Variants in RBFOX1 observed in about 807,000 individuals in gnomAD.
RBFOX1 encodes the protein RNA binding fox-1 homolog 1.
RBFOX1 carries 8 observed loss-of-function variants against 57.7 expected under a neutral mutation model. The ratio of observed to expected loss-of-function variants is 0.14; its 90% confidence interval spans 0.08 to 0.25. RBFOX1 has a LOEUF of 0.25. RBFOX1 is among the 10% of genes least tolerant of loss of function. The probability of loss-of-function intolerance (pLI) is 1.00; values close to 1 mark genes in which losing one functional copy is unlikely to be tolerated. For missense variants in RBFOX1, 611 were observed against 548.5 expected (o/e 1.11, Z -1.14); for synonymous variants, 326 against 222.4 (o/e 1.47, Z -4.15).
intron 2 of RBFOX1, among the ~76,000 whole-genome samples, chr16:6,544,803 A>T (rs1171940785): frequency 1.3e-5 from 2 of 152,198 alleles, no homozygotes; most frequent in African/African-American, 2.4e-5. Context: ...CTGAGCACGT[A>T]GATTAGTCAG....
chr16:6,346,191 T>C (rs967125922), intron 2 of RBFOX1, among the ~76,000 whole-genome samples: 1 of 152,128 alleles, frequency 6.6e-6, no homozygotes, highest in Non-Finnish European at 1.5e-5. Flanking sequence ...CCAACACATA[T>C]GCAAGTGAAT....
intron 3 of RBFOX1, among the ~76,000 whole-genome samples, chr16:5,713,559 GT>G (rs1268176558): frequency 6.6e-6 from 1 of 152,074 alleles, no homozygotes; most frequent in Non-Finnish European, 1.5e-5. Context: ...CTCTTTTAAG[GT>G]TCTAAAAGCC....
intron 2 of RBFOX1, among the ~76,000 whole-genome samples, chr16:6,486,530 G>C (rs9940703): frequency 0.095 from 14,400 of 152,116 alleles, 880 homozygotes; most frequent in African/African-American, 0.16. Context: ...GGGAGTTGGC[G>C]TAAGTTCTTG....
At chr16:5,642,622 C>G (rs1334509552) in intron 3 of RBFOX1, among the ~76,000 whole-genome samples, 1 of 152,168 alleles carries the variant, frequency 6.6e-6, no homozygotes, top group Non-Finnish European at 1.5e-5. Flanking sequence ...CCCCCCTTCC[C>G]CAGCCACCCA....
chr16:6,778,894 A>T (rs1231593246), intron 3 of RBFOX1, among the ~76,000 whole-genome samples: 1 of 151,904 alleles, frequency 6.6e-6, no homozygotes, highest in Non-Finnish European at 1.5e-5. Context: ...TTTTATGGTT[A>T]TGGAAGAGTT....
At chr16:5,840,589 G>C (rs1184016401) in intron 3 of RBFOX1, among the ~76,000 whole-genome samples, 1 of 152,202 alleles carries the variant, frequency 6.6e-6, no homozygotes, top group Admixed American at 6.5e-5. Context: ...GCTTAAATGG[G>C]GGAAGGAGTT....
At chr16:7,031,938 C>T (rs1049474904) in intron 3 of RBFOX1, among the ~76,000 whole-genome samples, 9 of 152,050 alleles carry the variant, frequency 5.9e-5, no homozygotes, top group Non-Finnish European at 1.2e-4. Flanking sequence ...TTCCAGCAGC[C>T]AAATTGTTGG....
intron 3 of RBFOX1, among the ~76,000 whole-genome samples, chr16:7,034,523 A>G (rs62018369): frequency 0.024 from 3,691 of 152,180 alleles, 69 homozygotes; most frequent in Non-Finnish European, 0.035. Context: ...AGAAAGATGG[A>G]TGGGAAGTGG....
intron 3 of RBFOX1, among the ~76,000 whole-genome samples, chr16:7,029,548 C>CTGT (rs2042260465): frequency 6.6e-6 from 1 of 151,882 alleles, no homozygotes; most frequent in Non-Finnish European, 1.5e-5. Context: ...TAATATTTTA[C>CTGT]CTGGACTAAT....
intron 4 of RBFOX1, among the ~76,000 whole-genome samples, chr16:5,980,073 C>G (rs1026025954): frequency 6.6e-5 from 10 of 152,228 alleles, no homozygotes; most frequent in Admixed American, 5.2e-4. Flanking sequence ...CCTCCTCCCT[C>G]TCTCTAGGAA....
At chr16:6,952,130 A>C (rs561286254) in intron 3 of RBFOX1, among the ~76,000 whole-genome samples, 1 of 152,144 alleles carries the variant, frequency 6.6e-6, no homozygotes, top group African/African-American at 2.4e-5. Context: ...ATTTCCCCAC[A>C]AGTGCTTCGC....
At chr16:6,962,370 G>A (rs2083207192) in intron 3 of RBFOX1, among the ~76,000 whole-genome samples, 1 of 152,094 alleles carries the variant, frequency 6.6e-6, no homozygotes, top group African/African-American at 2.4e-5. Flanking sequence ...AGGTAGCAAG[G>A]GTTAGGACTT....
At chr16:5,585,259 G>A (rs1405534372) in intron 2 of RBFOX1, among the ~76,000 whole-genome samples, 2 of 152,078 alleles carry the variant, frequency 1.3e-5, no homozygotes, top group East Asian at 3.9e-4. Context: ...GTAAAATTAT[G>A]CAATGTATGG....
At chr16:5,340,637 A>G (rs11076912) in intron 1 of RBFOX1, among the ~76,000 whole-genome samples, 129,928 of 152,184 alleles carry the variant, frequency 0.85, 58,344 homozygotes, top group East Asian at 1. Context: ...CTGGTAGGAA[A>G]CTTCCAGTGA....
intron 2 of RBFOX1, among the ~76,000 whole-genome samples, chr16:6,578,207 G>T (rs991418166): frequency 6.6e-6 from 1 of 152,118 alleles, no homozygotes; most frequent in African/African-American, 2.4e-5. Flanking sequence ...CATATCTTAC[G>T]TAGTGATAAG....
chr16:5,579,363 A>C (rs966152906), intron 2 of RBFOX1, among the ~76,000 whole-genome samples: 1 of 151,672 alleles, frequency 6.6e-6, no homozygotes, highest in Admixed American at 6.6e-5. Context: ...CCTCTTTCTC[A>C]TCACTCCTCT....
At chr16:5,612,646 C>T (rs149586645) in intron 3 of RBFOX1, among the ~76,000 whole-genome samples, 80 of 152,304 alleles carry the variant, frequency 5.3e-4, no homozygotes, top group Non-Finnish European at 8.4e-4. Flanking sequence ...CAAGGTCAGG[C>T]GAGAATAGAG....
At chr16:6,635,150 GAT>G (rs1374861815) in intron 2 of RBFOX1, among the ~76,000 whole-genome samples, 1 of 146,260 alleles carries the variant, frequency 6.8e-6, no homozygotes, top group Non-Finnish European at 1.5e-5. Flanking sequence ...AAATGTATAT[GAT>G]ATGAGTATAA....
At chr16:6,010,254 G>T (rs1435224428) in intron 4 of RBFOX1, among the ~76,000 whole-genome samples, 1 of 152,130 alleles carries the variant, frequency 6.6e-6, no homozygotes, top group East Asian at 1.9e-4. Context: ...GCTGTAAGTG[G>T]TATAGGATTA....
Sources: allele counts gnomAD v4.1 joint callset (sites outside exome capture counted in the v4.1 genomes callset), GRCh38; gene constraint gnomAD v4.1.1; transcripts MANE v1.5; gene names NCBI Gene and HGNC (gene_info 2026-07-23, HGNC 2026-07-21).